ASH2L: variants seen among roughly 807,000 people sequenced by gnomAD.
ASH2L encodes ASH2 like, histone lysine methyltransferase complex subunit.
Under a neutral mutation model 81.1 loss-of-function variants are expected in ASH2L, and 30 were observed. That is an observed-to-expected ratio of 0.37 (90% CI 0.28 to 0.50). The LOEUF is 0.50. ASH2L is among the 20% of genes least tolerant of loss of function. The probability of loss-of-function intolerance (pLI) is 0.95; values close to 1 mark genes in which losing one functional copy is unlikely to be tolerated. For synonymous variants in ASH2L, 273 were observed against 279.9 expected, an observed-to-expected ratio of 0.98 and a Z score of 0.24; for missense variants, 559 against 792.1, an observed-to-expected ratio of 0.71 and a Z score of 3.53.
intron 11 of ASH2L, 50 bp downstream of exon 11, chr8:38,128,508 C>T (rs1470746654): frequency 1.9e-6 from 3 of 1,590,822 alleles, no homozygotes; most frequent in South Asian, 1.2e-5. Context: ...GAGGATAGAC[C>T]ATCTGGCCAA....
chr8:38,117,301 G>T (rs1248185013), intron 8 of ASH2L, among the ~76,000 whole-genome samples: 1 of 152,192 alleles, frequency 6.6e-6, no homozygotes, highest in East Asian at 1.9e-4. Flanking sequence ...GTCTTTTGGA[G>T]TGGTCGCGTC....
At chr8:38,138,498 G>T in intron 14 of ASH2L, 1 of 282,838 alleles carries the variant, frequency 3.5e-6, no homozygotes, top group Non-Finnish European at 6.6e-6. Flanking sequence ...TGTCTGCTTA[G>T]CAACAAAAGG....
intron 10 of ASH2L, chr8:38,122,611 C>T (rs1028576477): frequency 6.6e-5 from 10 of 152,064 alleles, no homozygotes; most frequent in African/African-American, 2.2e-4. Flanking sequence ...TATGTACAAA[C>T]CTGCATGTAC....
At chr8:38,116,248 C>T (rs1244881038) in intron 7 of ASH2L, among the ~76,000 whole-genome samples, 5 of 152,138 alleles carry the variant, frequency 3.3e-5, no homozygotes, top group Non-Finnish European at 4.4e-5. Flanking sequence ...CACCTCTAAT[C>T]CCAGCTACTC....
Position 38,116,652 on chromosome 8 carries a change from C to A in ASH2L, c.780C>A (p.Asp260Glu). The change falls in exon 8 of 16, where the codon GAC (aspartate) becomes GAA (glutamate). Residue 260 changes from aspartate to glutamate, a missense_variant and splice_region_variant. Asp to Glu is a conservative substitution (Grantham distance 45). Around this residue, in one of 4 missense-constraint regions of ASH2L, gnomAD observed 318 missense variants for 527.0 expected, o/e 0.60. Transcript: ENST00000343823. ...TTTAATTGGATGTATTTTTGCAGGA[C>A]CTTAGTAACATTGGTCCTGCTTATG... Reference protein sequence around the residue: ...DYPKFGLLDQDLSNIGPAYDN... With the variant: ...DYPKFGLLDQELSNIGPAYDN... 6.2e-7 allele frequency: 1 copy of A among 1,611,106 alleles called. No individual in the cohort carries two copies. The highest frequency in any genetic ancestry group is 8.5e-7 in the Non-Finnish European group (1 of 1,179,154).
At position 38,105,950 on chromosome 8, in the gene ASH2L, T is replaced by A. The variant is rs375908942; in HGVS notation, c.188+212T>A. ...TTTCACGGGCGGTGGGAGCTGAGGC[T>A]CCTGTCGTTATCTCTGATCCTTGCA... On this transcript the variant is annotated intron_variant, in intron 1 of 15. Transcript: ENST00000343823. 575 of 1,511,700 alleles carry A rather than the reference T, an allele frequency of 3.8e-4. 7 individuals are homozygous for A. In the South Asian group the frequency reaches 4.5e-3, roughly 12 times the overall value. The allele number at this position is 1,511,700 out of a possible 1,614,324, so 93.6% of individuals were successfully genotyped here. A position where few individuals can be genotyped will look rare whatever the true frequency, so the allele number is the denominator to read the frequency against.
At chr8:38,124,214 AT>A (rs111675344) in intron 10 of ASH2L, 24 of 145,320 alleles carry the variant, frequency 1.7e-4, no homozygotes, top group East Asian at 4.0e-4. Context: ...ATTTTATTTT[AT>A]TTTTTTTTTT....
chr8:38,125,803 C>G (rs1801823443), intron 10 of ASH2L, among the ~76,000 whole-genome samples: 1 of 152,058 alleles, frequency 6.6e-6, no homozygotes, highest in Non-Finnish European at 1.5e-5. Flanking sequence ...AATCAAGTGA[C>G]CAGGGTGAAC....
intron 12 of ASH2L, among the ~76,000 whole-genome samples, chr8:38,129,869 T>C (rs1801986586): frequency 6.6e-6 from 1 of 152,226 alleles, no homozygotes; most frequent in Non-Finnish European, 1.5e-5. Flanking sequence ...ATTTTCCTAC[T>C]GACAGACACT....
chr8:38,107,153 G>C lies in ASH2L; in HGVS notation c.388G>C (p.Gly130Arg), dbSNP rs1358343347. 6.2e-7 allele frequency: 1 copy of C among 1,614,140 alleles called. No individual in the cohort carries two copies. Among genetic ancestry groups the C allele is most frequent in the Non-Finnish European group, 8.5e-7 (1 of 1,180,016 alleles). Reference sequence around the variant, plus strand: ...AAAATGGTTCACGGCTGACACATTTGGCATAGATACCTCGTGAGTACTTTT... The same window carrying C: ...AAAATGGTTCACGGCTGACACATTTCGCATAGATACCTCGTGAGTACTTTT... ...CTKWFTADTFGIDTSSCLPFM... is the reference protein window; with the variant it reads ...CTKWFTADTFRIDTSSCLPFM... The change falls in exon 3 of 16, where the codon GGC becomes CGC. Residue 130 changes from glycine (G) to arginine (R), a missense_variant. Transcript: ENST00000343823.
intron 5 of ASH2L, among the ~76,000 whole-genome samples, chr8:38,111,199 G>A (rs1810666236): frequency 6.6e-6 from 1 of 152,092 alleles, no homozygotes; most frequent in Non-Finnish European, 1.5e-5. Context: ...CCAAAGTGCT[G>A]GGATTACAGG....
chr8:38,110,707 G>C (rs1810646499), intron 4 of ASH2L, 32 bp from the exon 5 acceptor site: 1 of 1,551,110 alleles, frequency 6.4e-7, no homozygotes, highest in Non-Finnish European at 8.9e-7. Context: ...TAGTACTACA[G>C]ATAACTGTTT....
At chr8:38,131,405 A>G (rs1325576894) in intron 12 of ASH2L, among the ~76,000 whole-genome samples, 1 of 152,056 alleles carries the variant, frequency 6.6e-6, no homozygotes, top group African/African-American at 2.4e-5. Flanking sequence ...CATGCTTGGG[A>G]GGCCAAAGCA....
intron 8 of ASH2L, among the ~76,000 whole-genome samples, chr8:38,117,234 A>G (rs1810943951): frequency 6.6e-6 from 1 of 152,188 alleles, no homozygotes; most frequent in Non-Finnish European, 1.5e-5. Context: ...ATTTAATAAG[A>G]GTTGGGGTGG....
chr8:38,125,532 TG>T (rs1366801808), intron 10 of ASH2L, among the ~76,000 whole-genome samples: 2 of 150,480 alleles, frequency 1.3e-5, no homozygotes, highest in Non-Finnish European at 2.9e-5. Flanking sequence ...CTCTTCAACC[TG>T]GGAGGCGGAG....
At position 38,107,029 on chromosome 8, in the gene ASH2L, TG is replaced by T. The variant is rs1421424456; in HGVS notation, c.268del (p.Asp90IlefsTer5). The T allele has an allele frequency of 6.2e-7, 1 of 1,613,856 alleles. No individual in the cohort carries two copies. The highest frequency in any genetic ancestry group is 1.3e-5 in the African/African-American group (1 of 74,904). ...SNGKDTLEGA[G>X]DTSEVMDTQA... ...GAACTGCTCTGACACAGGAAGGTGC[TG>T]GGGATACATCAGAGGTGATGGATAC... On this transcript the variant is annotated frameshift_variant, in exon 3 of 16. Coordinates refer to ENST00000343823, the MANE Select transcript of ASH2L (RefSeq NM_004674.5). LOFTEE classifies it high-confidence loss of function.
At chr8:38,132,726 C>T (rs1802107061) in intron 12 of ASH2L, among the ~76,000 whole-genome samples, 1 of 151,114 alleles carries the variant, frequency 6.6e-6, no homozygotes, top group Non-Finnish European at 1.5e-5. Context: ...TTGAACCTGG[C>T]AGGCCAAGAT....
chr8:38,116,708 C>T lies in ASH2L; in HGVS notation c.836C>T (p.Thr279Ile), dbSNP rs1810918337. The change falls in exon 8 of 16, where the codon ACT becomes ATT. Residue 279 changes from threonine to isoleucine, a missense_variant. Coordinates refer to ENST00000343823, the MANE Select transcript of ASH2L (RefSeq NM_004674.5). ...DNQKQSSAVS[T>I]SGNLNGGIAA... ...CAAAAACAGAGCAGTGCTGTGTCTACTAGTGGGAATTTAAATGGTAAGTGT... is the reference window on the plus strand; with the variant it reads ...CAAAAACAGAGCAGTGCTGTGTCTATTAGTGGGAATTTAAATGGTAAGTGT... 1.2e-6 allele frequency: 2 copies of T among 1,612,568 alleles called. No homozygotes were observed. Among genetic ancestry groups the T allele is most frequent in the Non-Finnish European group, 1.7e-6 (2 of 1,179,430 alleles).
chr8:38,138,984 C>T lies in ASH2L; in HGVS notation c.1800C>T (p.Gly600=), dbSNP rs757548610. ...TYRPMSDMGW[G]AVVEHTLADV... is the part of the protein sequence containing the mutation. ...TGCAGATGAGTGACATGGGCTGGGG[C>T]GCCGTGGTAGAGCACACCCTGGCTG... Residue 600 remains glycine, a synonymous_variant, in exon 16 of 16, where the codon GGC becomes GGT. Coordinates refer to ENST00000343823, the MANE Select transcript of ASH2L (RefSeq NM_004674.5). 1.5e-5 allele frequency: 24 copies of T among 1,613,740 alleles called. No homozygotes were observed. Among genetic ancestry groups the T allele is most frequent in the South Asian group, 2.2e-5 (2 of 91,070 alleles).
Sources: allele counts gnomAD v4.1 joint callset (sites outside exome capture counted in the v4.1 genomes callset), GRCh38; gene constraint gnomAD v4.1.1; regional missense constraint gnomAD v4.1.1; transcripts MANE v1.5; gene names NCBI Gene and HGNC (gene_info 2026-07-23, HGNC 2026-07-21).